IL1RAPL2: variants seen among roughly 807,000 people sequenced by gnomAD.
IL1RAPL2 encodes interleukin 1 receptor accessory protein like 2, also known as X-linked interleukin-1 receptor accessory protein-like 2.
In IL1RAPL2, 3 loss-of-function variants were observed where a neutral mutation model predicts 44.1. The ratio of observed to expected loss-of-function variants is 0.07; its 90% CI spans 0.03 to 0.18. The LOEUF (loss-of-function observed/expected upper bound fraction) is 0.18. Ranked by LOEUF, IL1RAPL2 falls within the 10% of genes least tolerant of loss-of-function variation. The pLI is 1.00. For synonymous variants in IL1RAPL2, 181 were observed against 178.8 expected, an observed-to-expected ratio of 1.01 and a Z score of -0.10; for missense variants, 391 against 496.4, an observed-to-expected ratio of 0.79 and a Z score of 2.02.
chrX:105,202,044 T>C (rs909287819), intron 3 of IL1RAPL2, among the ~76,000 whole-genome samples: 1 of 112,011 alleles, frequency 8.9e-6, no homozygotes, highest in African/African-American at 3.2e-5. Context: ...TATAGGAAAA[T>C]TTTTACATAG....
chrX:105,061,596 A>G (rs750031866), intron 2 of IL1RAPL2, among the ~76,000 whole-genome samples: 3 of 111,989 alleles, frequency 2.7e-5, no homozygotes, highest in Non-Finnish European at 5.7e-5. Flanking sequence ...CTTTAGACAG[A>G]TCTTCCAGAA....
intron 6 of IL1RAPL2, among the ~76,000 whole-genome samples, chrX:105,645,270 G>T (rs139824553): frequency 0.028 from 3,125 of 110,877 alleles, 116 homozygotes; most frequent in African/African-American, 0.097. Flanking sequence ...TCCCTAGGAA[G>T]CTTTGTCCAA....
At chrX:104,572,774 AT>A (rs780816023) in intron 1 of IL1RAPL2, among the ~76,000 whole-genome samples, 3,058 of 108,177 alleles carry the variant, frequency 0.028, 94 homozygotes, top group African/African-American at 0.097. Context: ...TAATTTTTGT[AT>A]TTTTTTTTGT....
intron 5 of IL1RAPL2, among the ~76,000 whole-genome samples, chrX:105,447,862 TAA>T: frequency 1.1e-5 from 1 of 92,680 alleles, no homozygotes; most frequent in Non-Finnish European, 2.0e-5. Flanking sequence ...TAAATATATA[TAA>T]ATATATTATA....
At chrX:104,774,272 T>G (rs1460861906) in intron 2 of IL1RAPL2, among the ~76,000 whole-genome samples, 1 of 111,761 alleles carries the variant, frequency 8.9e-6, no homozygotes, top group Non-Finnish European at 1.9e-5. Flanking sequence ...AGACTTGAAC[T>G]CTGCTCTATT....
At chrX:104,872,808 C>T (rs1922801773) in intron 2 of IL1RAPL2, among the ~76,000 whole-genome samples, 1 of 111,067 alleles carries the variant, frequency 9.0e-6, no homozygotes, top group Non-Finnish European at 1.9e-5. Flanking sequence ...CATCACAACC[C>T]ATGACCTATT....
intron 2 of IL1RAPL2, among the ~76,000 whole-genome samples, chrX:104,885,171 G>A (rs1923196356): frequency 9.0e-6 from 1 of 111,690 alleles, no homozygotes; most frequent in African/African-American, 3.3e-5. Context: ...AGCTTCAGCT[G>A]CAGCCTGAGA....
chrX:104,829,424 C>T (rs1450880159), intron 2 of IL1RAPL2, among the ~76,000 whole-genome samples: 1 of 111,469 alleles, frequency 9.0e-6, no homozygotes, highest in Non-Finnish European at 1.9e-5. Flanking sequence ...TAGGTGACAC[C>T]CCACCCTGCT....
intron 2 of IL1RAPL2, among the ~76,000 whole-genome samples, chrX:104,885,619 C>T (rs910293534): frequency 5.4e-5 from 6 of 111,523 alleles, no homozygotes; most frequent in Non-Finnish European, 9.4e-5. Context: ...CTGGCAACCT[C>T]GGTGTTCTAT....
intron 2 of IL1RAPL2, among the ~76,000 whole-genome samples, chrX:104,684,209 G>A (rs1930941458): frequency 9.0e-6 from 1 of 111,695 alleles, no homozygotes; most frequent in African/African-American, 3.3e-5. Context: ...TTCAAAGTGT[G>A]ATGATTTCTC....
intron 2 of IL1RAPL2, among the ~76,000 whole-genome samples, chrX:104,763,630 A>G (rs1932503999): frequency 8.9e-6 from 1 of 111,973 alleles, no homozygotes; most frequent in South Asian, 3.7e-4. Flanking sequence ...ACTTACAAAC[A>G]TGGTAGAAGA....
chrX:104,580,058 A>C (rs1040975805), intron 1 of IL1RAPL2, among the ~76,000 whole-genome samples: 2 of 111,658 alleles, frequency 1.8e-5, no homozygotes, highest in Non-Finnish European at 3.8e-5. Context: ...TACATTCTAC[A>C]GCACTTAGAG....
chrX:105,141,681 C>T (rs1020778352), intron 2 of IL1RAPL2, among the ~76,000 whole-genome samples: 9 of 111,838 alleles, frequency 8.0e-5, no homozygotes, highest in Non-Finnish European at 1.3e-4. Context: ...ATTTTCTTTG[C>T]ATAAAATTAA....
chrX:104,583,506 AT>A (rs1395046575), intron 1 of IL1RAPL2, among the ~76,000 whole-genome samples: 1 of 112,018 alleles, frequency 8.9e-6, no homozygotes, highest in African/African-American at 3.2e-5. Context: ...ACTATGTGGC[AT>A]TTTGCATCTA....
chrX:104,731,345 G>A (rs1173430400), intron 2 of IL1RAPL2, among the ~76,000 whole-genome samples: 1 of 110,467 alleles, frequency 9.1e-6, no homozygotes, highest in African/African-American at 3.3e-5. Flanking sequence ...GGTTTTTATG[G>A]TTTTAGGTCT....
At position 105,679,341 on chromosome X, in the gene IL1RAPL2, C is replaced by T. The variant is rs189563120; in HGVS notation, c.773-38026C>T. On this transcript the variant is annotated intron_variant, in intron 6 of 10. Coordinates refer to ENST00000372582, the MANE Select transcript of IL1RAPL2 (RefSeq NM_017416.2). ...AATTAAATATCTTGTTAAAAGTTCA[C>T]TTTCAGAAAGTTCACTTTCAGAACA... Among the ~76,000 whole-genome samples, 723 of 112,121 alleles carry T rather than the reference C, an allele frequency of 6.4e-3. 12 individuals are homozygous for T. Among genetic ancestry groups the T allele is most frequent in the African/African-American group, 0.022 (684 of 30,940 alleles).
chrX:105,251,195 T>C lies in IL1RAPL2; in HGVS notation c.544-16193T>C, dbSNP rs183632150. 2.7e-3 allele frequency among the ~76,000 whole-genome samples: 298 copies of C among 110,598 alleles called. 2 individuals are homozygous for C. The highest frequency in any genetic ancestry group is 9.5e-3 in the African/African-American group (290 of 30,609). ...TTTAAAGAAAAGAGCTTTACATTGATTTATCTTGTTATACATTCTGACTGT... is the reference window on the plus strand; with the variant it reads ...TTTAAAGAAAAGAGCTTTACATTGACTTATCTTGTTATACATTCTGACTGT... On this transcript the variant is annotated intron_variant, in intron 4 of 10. Coordinates refer to ENST00000372582, the MANE Select transcript of IL1RAPL2 (RefSeq NM_017416.2).
chrX:104,567,892 A>G (rs1347715770), intron 1 of IL1RAPL2, among the ~76,000 whole-genome samples: 1 of 112,262 alleles, frequency 8.9e-6, no homozygotes, highest in Non-Finnish European at 1.9e-5. Context: ...GGAAATGTGT[A>G]TTATAACAAA....
chrX:104,705,226 G>A (rs1418553523), intron 2 of IL1RAPL2, among the ~76,000 whole-genome samples: 1 of 111,852 alleles, frequency 8.9e-6, no homozygotes. Context: ...TGGAGACTCA[G>A]AAAGGCTAAG....
Sources: allele counts gnomAD v4.1 joint callset (sites outside exome capture counted in the v4.1 genomes callset), GRCh38; gene constraint gnomAD v4.1.1; transcripts MANE v1.5; gene names NCBI Gene and HGNC (gene_info 2026-07-23, HGNC 2026-07-21).